The following TMEM132B variants were observed in gnomAD, a reference collection of about 807,000 sequenced individuals.
TMEM132B encodes the protein transmembrane protein 132B.
In TMEM132B, 18 loss-of-function variants were observed where a neutral mutation model predicts 90.8. That is an observed-to-expected ratio of 0.20 (90% CI 0.14 to 0.29). The LOEUF is 0.29. Ranked by LOEUF, TMEM132B falls within the 10% of genes least tolerant of loss-of-function variation. TMEM132B has a pLI of 1.00. For missense variants in TMEM132B, 1,096 were observed against 1,326.8 expected (o/e 0.83, Z 2.70); for synonymous variants, 504 against 523.3 (o/e 0.96, Z 0.50).
At position 125,492,314 on chromosome 12, in the gene TMEM132B, C is replaced by T. The variant is rs148704527; in HGVS notation, c.1107-27125C>T. On this transcript the variant is annotated intron_variant, in intron 3 of 8. Transcript: ENST00000682704. The surrounding 1 kb of genome is among the most constrained non-coding windows in gnomAD (Gnocchi z 5.8). Reference sequence around the variant, plus strand: ...GTGACTGCTGCTCACCATTCCTTAGCGGGCTCTCGCGTGTCCTCCAAACAC... The same window carrying T: ...GTGACTGCTGCTCACCATTCCTTAGTGGGCTCTCGCGTGTCCTCCAAACAC... Among the ~76,000 whole-genome samples the T allele has an allele frequency of 2.0e-5, 3 of 152,376 alleles. No homozygotes were observed. Among genetic ancestry groups the T allele is most frequent in the East Asian group, 1.9e-4 (1 of 5,186 alleles).
At chr12:125,296,337 G>A (rs747464832) in intron 1 of TMEM132B, among the ~76,000 whole-genome samples, 7 of 152,170 alleles carry the variant, frequency 4.6e-5, no homozygotes, top group African/African-American at 1.2e-4. Context: ...CCAGGAGTGC[G>A]CTTCCCAGGT....
intron 1 of TMEM132B, among the ~76,000 whole-genome samples, chr12:125,340,317 AT>A (rs746127311): frequency 6.6e-6 from 1 of 152,130 alleles, no homozygotes; most frequent in Non-Finnish European, 1.5e-5. Context: ...AAATCTTTCT[AT>A]TGTCTGAATT....
At chr12:125,416,242 T>C (rs936171835) in intron 3 of TMEM132B, among the ~76,000 whole-genome samples, 8 of 152,154 alleles carry the variant, frequency 5.3e-5, no homozygotes, top group Non-Finnish European at 1.2e-4. Flanking sequence ...TAGAAAGAAC[T>C]CTCACCTGTG....
At chr12:125,481,461 AACAG>A (rs1360527734) in intron 3 of TMEM132B, among the ~76,000 whole-genome samples, 3 of 152,014 alleles carry the variant, frequency 2.0e-5, no homozygotes, top group African/African-American at 7.2e-5. Flanking sequence ...ATACACCAGT[AACAG>A]ACAGAGAGCC....
At chr12:125,512,900 G>A (rs1883018148) in intron 3 of TMEM132B, among the ~76,000 whole-genome samples, 1 of 152,256 alleles carries the variant, frequency 6.6e-6, no homozygotes. Flanking sequence ...CCTCTAGTCT[G>A]TTGAAGGGAT....
chr12:125,606,435 C>T lies in TMEM132B; in HGVS notation c.1437+22441C>T, dbSNP rs78970006. 7.7e-3 allele frequency among the ~76,000 whole-genome samples: 1,170 copies of T among 151,730 alleles called. 15 individuals carry two copies. The highest frequency in any genetic ancestry group is 0.026 in the African/African-American group (1,072 of 41,364). ...GAATATGTGTGCACACATGAGCGTA[C>T]AGCTGTGTGCATGCTAGCTACTATG... On this transcript the variant is annotated intron_variant, in intron 5 of 8. Transcript: ENST00000682704.
At chr12:125,432,527 A>ATGTATGTG (rs1221368383) in intron 3 of TMEM132B, among the ~76,000 whole-genome samples, 9 of 84,250 alleles carry the variant, frequency 1.1e-4, no homozygotes, top group Admixed American at 3.9e-4. Context: ...ATATATATAT[A>ATGTATGTG]TAGAGAGAGA....
Position 125,349,676 on chromosome 12 carries a change from G to T in TMEM132B, c.292G>T (p.Val98Leu). Residue 98 changes from valine (V) to leucine (L), a missense_variant, in exon 2 of 9, where the codon GTG becomes TTG. Coordinates refer to ENST00000682704, the MANE Select transcript of TMEM132B (RefSeq NM_001366854.1). The surrounding 1 kb of genome is among the most constrained non-coding windows in gnomAD (Gnocchi z 4.1). ...CAATGCCAGCTATGGCCCATTTTCAGTGGAGAAGATAATCCCCCAGGAGCT... is the reference window on the plus strand; with the variant it reads ...CAATGCCAGCTATGGCCCATTTTCATTGGAGAAGATAATCCCCCAGGAGCT... ...IINASYGPFS[V>L]EKIIPQELLL... 1 of 1,614,142 alleles carries T rather than the reference G, an allele frequency of 6.2e-7. No homozygotes were observed. The highest frequency in any genetic ancestry group is 8.5e-7 in the Non-Finnish European group (1 of 1,180,022).
intron 4 of TMEM132B, among the ~76,000 whole-genome samples, chr12:125,555,255 GC>G (rs1215719467): frequency 6.6e-6 from 1 of 152,078 alleles, no homozygotes; most frequent in Non-Finnish European, 1.5e-5. Flanking sequence ...CAAAATGAGG[GC>G]TGCCTGTGGA....
chr12:125,385,086 C>A (rs530964748), intron 2 of TMEM132B, among the ~76,000 whole-genome samples: 1 of 152,320 alleles, frequency 6.6e-6, no homozygotes, highest in African/African-American at 2.4e-5. Flanking sequence ...GATCATGCTG[C>A]ATTTGCCTCC....
Position 125,565,240 on chromosome 12 carries a change from C to T in TMEM132B, c.1294-18611C>T, listed in dbSNP as rs75876182. Among the ~76,000 whole-genome samples the T allele has an allele frequency of 1.1e-3, 161 of 152,318 alleles. 1 individual carries two copies. Among genetic ancestry groups the T allele is most frequent in the African/African-American group, 3.6e-3 (150 of 41,558 alleles). Reference sequence around the variant, plus strand: ...GCTGAAACAGGAGAGTTCCCTGACCCGCCTTGCAGGATGCGAGACAGAATC... The same window carrying T: ...GCTGAAACAGGAGAGTTCCCTGACCTGCCTTGCAGGATGCGAGACAGAATC... On this transcript the variant is annotated intron_variant, in intron 4 of 8. Coordinates refer to ENST00000682704, the MANE Select transcript of TMEM132B (RefSeq NM_001366854.1).
chr12:125,431,010 G>T (rs1315070240), intron 3 of TMEM132B, among the ~76,000 whole-genome samples: 1 of 152,094 alleles, frequency 6.6e-6, no homozygotes, highest in Non-Finnish European at 1.5e-5. Context: ...ATGGTCAGGG[G>T]TTGAGCTGGC....
chr12:125,632,111 C>G (rs915550375), intron 5 of TMEM132B, among the ~76,000 whole-genome samples: 1 of 151,818 alleles, frequency 6.6e-6, no homozygotes, highest in East Asian at 1.9e-4. Flanking sequence ...TTTGGTGATA[C>G]AATTTACTTT....
intron 3 of TMEM132B, among the ~76,000 whole-genome samples, chr12:125,428,502 C>T (rs1266242459): frequency 6.6e-6 from 1 of 151,998 alleles, no homozygotes; most frequent in African/African-American, 2.4e-5. Flanking sequence ...CATTATGAAG[C>T]CTTCCTCAGA....
chr12:125,343,162 A>G (rs1054827616), intron 1 of TMEM132B, among the ~76,000 whole-genome samples: 1 of 152,154 alleles, frequency 6.6e-6, no homozygotes. Flanking sequence ...ATTTGGCCCA[A>G]ATTGTTGCAT....
Position 125,415,208 on chromosome 12 carries a change from C to T in TMEM132B, c.960-323C>T, listed in dbSNP as rs1473416755. On this transcript the variant is annotated intron_variant, in intron 2 of 8. Coordinates refer to ENST00000682704, the MANE Select transcript of TMEM132B (RefSeq NM_001366854.1). This position sits in a 1 kb window ranked among gnomAD's most constrained non-coding sequence, Gnocchi z 5.3. ...AATAGGCCTTGCAGATCCATCTCTT[C>T]TGGCCCGAGGCATCTGTCTCATTTG... Among the ~76,000 whole-genome samples, 3 of 152,196 alleles carry T rather than the reference C, an allele frequency of 2.0e-5. No individual in the cohort carries two copies. Among genetic ancestry groups the T allele is most frequent in the African/African-American group, 4.8e-5 (2 of 41,456 alleles).
rs549191058 is a variant in TMEM132B, at chr12:125,338,734, C to T, written c.68-10718C>T. ...TCCTGCCCATCAGCACACTTTTATC[C>T]GCTTATTCTCTTTCTTAAATTTGTT... On this transcript the variant is annotated intron_variant, in intron 1 of 8. Transcript: ENST00000682704. Among the ~76,000 whole-genome samples the T allele has an allele frequency of 4.3e-4, 65 of 152,254 alleles. 1 individual carries two copies. The highest frequency in any genetic ancestry group is 6.8e-3 in the Middle Eastern group (2 of 294).
intron 2 of TMEM132B, among the ~76,000 whole-genome samples, chr12:125,398,075 T>C (rs755616707): frequency 1.9e-4 from 29 of 152,128 alleles, no homozygotes; most frequent in Admixed American, 3.9e-4. Flanking sequence ...GGCATTTGCA[T>C]TGGGGGCAGG....
At chr12:125,454,204 A>C (rs1013396986) in intron 3 of TMEM132B, among the ~76,000 whole-genome samples, 1 of 152,158 alleles carries the variant, frequency 6.6e-6, no homozygotes, top group Admixed American at 6.5e-5. Flanking sequence ...GTGAAAAAGC[A>C]CTGTAGCCTG....
Sources: gnomAD v4.1 joint callset for allele counts (sites outside exome capture counted in the v4.1 genomes callset) on GRCh38, gnomAD v4.1.1 for gene constraint, Gnocchi (gnomAD v3.1) non-coding constraint, MANE v1.5 for transcripts, NCBI Gene and HGNC (gene_info 2026-07-23, HGNC 2026-07-21) for gene names.